LUZP2: variants seen among roughly 807,000 people sequenced by gnomAD.
LUZP2 encodes leucine zipper protein 2.
Under a neutral mutation model 51.6 loss-of-function variants are expected in LUZP2, and 52 were observed. The ratio of observed to expected loss-of-function variants is 1.01; its 90% CI spans 0.81 to 1.27. LUZP2 has a LOEUF of 1.27. Ranked by LOEUF, LUZP2 falls within the 50% of genes most tolerant of loss-of-function variation. The pLI, the probability that LUZP2 is intolerant of heterozygous loss-of-function variation, is 0.00. For missense variants in LUZP2, 436 were observed against 395.4 expected (o/e 1.10, Z -0.87); for synonymous variants, 154 against 137.3 (o/e 1.12, Z -0.85).
At chr11:25,077,609 C>T (rs923965098) in intron 11 of LUZP2, among the ~76,000 whole-genome samples, 1 of 151,924 alleles carries the variant, frequency 6.6e-6, no homozygotes, top group Non-Finnish European at 1.5e-5. Context: ...ACACCATTCT[C>T]CTGCCTCAGC....
intron 5 of LUZP2, among the ~76,000 whole-genome samples, chr11:24,846,085 G>A (rs995403299): frequency 6.6e-6 from 1 of 151,516 alleles, no homozygotes; most frequent in Admixed American, 6.6e-5. Flanking sequence ...CTATTTAAGA[G>A]TCAACTGAAG....
chr11:24,568,331 C>T (rs912996997), intron 1 of LUZP2, among the ~76,000 whole-genome samples: 10 of 135,748 alleles, frequency 7.4e-5, no homozygotes, highest in Non-Finnish European at 1.2e-4. Flanking sequence ...CTGCACTAGG[C>T]TGACAGAGTG....
chr11:24,628,878 G>C (rs1854779480), intron 1 of LUZP2, among the ~76,000 whole-genome samples: 1 of 151,934 alleles, frequency 6.6e-6, no homozygotes, highest in African/African-American at 2.4e-5. Flanking sequence ...CTTTATACAG[G>C]TGAATAAAGA....
At chr11:24,649,781 C>T (rs1259985997) in intron 1 of LUZP2, among the ~76,000 whole-genome samples, 1 of 151,842 alleles carries the variant, frequency 6.6e-6, no homozygotes, top group Non-Finnish European at 1.5e-5. Flanking sequence ...CATATAATCT[C>T]AAGTTGCTGA....
chr11:24,673,702 C>T (rs1358522276), intron 1 of LUZP2, among the ~76,000 whole-genome samples: 3 of 152,170 alleles, frequency 2.0e-5, no homozygotes, highest in Non-Finnish European at 4.4e-5. Flanking sequence ...ACAGATATGA[C>T]ATGTACACAT....
At chr11:24,716,902 A>T (rs1464366269) in intron 1 of LUZP2, among the ~76,000 whole-genome samples, 8 of 151,984 alleles carry the variant, frequency 5.3e-5, no homozygotes, top group South Asian at 2.1e-4. Context: ...TCTCAAAAAA[A>T]TTTTTTTAAT....
chr11:24,711,257 G>A (rs1366021044), intron 1 of LUZP2, among the ~76,000 whole-genome samples: 7 of 143,142 alleles, frequency 4.9e-5, no homozygotes, highest in Admixed American at 2.1e-4. Context: ...AGACCATCCT[G>A]GCTAACACGG....
chr11:25,060,997 G>T (rs940058927), intron 10 of LUZP2, among the ~76,000 whole-genome samples: 4 of 151,952 alleles, frequency 2.6e-5, no homozygotes, highest in African/African-American at 9.7e-5. Flanking sequence ...ATTTAACATT[G>T]GCAATTTCAT....
intron 4 of LUZP2, among the ~76,000 whole-genome samples, chr11:24,759,708 G>C (rs1206619540): frequency 1.3e-5 from 2 of 152,098 alleles, no homozygotes; most frequent in Admixed American, 1.3e-4. Context: ...AAATTTTCTG[G>C]AGCTAATAAA....
chr11:24,561,585 G>A (rs1028378403), intron 1 of LUZP2, among the ~76,000 whole-genome samples: 14 of 152,062 alleles, frequency 9.2e-5, no homozygotes, highest in African/African-American at 3.4e-4. Context: ...AACACTGCAT[G>A]TTCTCATGTT....
chr11:24,761,207 C>T (rs1227929639), intron 4 of LUZP2, among the ~76,000 whole-genome samples: 3 of 152,082 alleles, frequency 2.0e-5, no homozygotes, highest in Non-Finnish European at 2.9e-5. Context: ...CTGGGGAGGT[C>T]TCAGGGAGCT....
Position 24,825,775 on chromosome 11 carries a change from T to G in LUZP2, c.396+62467T>G, listed in dbSNP as rs137859271. Among the ~76,000 whole-genome samples, 1,221 of 152,268 alleles carry G rather than the reference T, an allele frequency of 8.0e-3. 11 individuals carry two copies. The highest frequency in any genetic ancestry group is 0.054 in the Middle Eastern group (16 of 294). On this transcript the variant is annotated intron_variant, in intron 5 of 11. Coordinates refer to ENST00000336930, the MANE Select transcript of LUZP2 (RefSeq NM_001009909.4). ...CTCACCCCCTGATTTTTCTCCTTCT[T>G]GAATGGGATCAGTATTTTGGAAGCC...
chr11:24,715,395 C>G (rs1444097621), intron 1 of LUZP2, among the ~76,000 whole-genome samples: 1 of 151,310 alleles, frequency 6.6e-6, no homozygotes, highest in Non-Finnish European at 1.5e-5. Context: ...AATTTCTGAC[C>G]ATGCCCTTCA....
rs1856822572 is a variant in LUZP2, at chr11:25,005,944, G to A, written c.765+22651G>A. Among the ~76,000 whole-genome samples the A allele has an allele frequency of 2.0e-5, 3 of 152,132 alleles. No individual in the cohort carries two copies. In the South Asian group the frequency reaches 6.2e-4, roughly 32 times the overall value. ...TATAAAGATGTTATGCCCCAAAAAT[G>A]AAGTGGAGGGCCAAACCCTGAGTGA... On this transcript the variant is annotated intron_variant, in intron 9 of 11. Coordinates refer to ENST00000336930, the MANE Select transcript of LUZP2 (RefSeq NM_001009909.4).
At chr11:24,718,920 T>C (rs80209969) in intron 1 of LUZP2, among the ~76,000 whole-genome samples, 65 of 152,312 alleles carry the variant, frequency 4.3e-4, no homozygotes, top group Non-Finnish European at 6.3e-4. Context: ...TTAGATCTAG[T>C]TTATTCACAG....
chr11:24,853,090 T>C (rs1250384692), intron 5 of LUZP2, among the ~76,000 whole-genome samples: 11 of 152,214 alleles, frequency 7.2e-5, no homozygotes, highest in African/African-American at 2.7e-4. Flanking sequence ...TTGATATTGT[T>C]ATGTGTGAAT....
At chr11:24,761,666 A>G (rs773643457) in intron 4 of LUZP2, among the ~76,000 whole-genome samples, 15 of 152,154 alleles carry the variant, frequency 9.9e-5, no homozygotes, top group Non-Finnish European at 1.6e-4. Flanking sequence ...GGGATATGTC[A>G]GTTACAGTGC....
intron 4 of LUZP2, among the ~76,000 whole-genome samples, chr11:24,741,626 C>CA (rs1343863011): frequency 2.0e-5 from 3 of 151,284 alleles, no homozygotes. Context: ...TTTGCGTCCT[C>CA]ATAGCTTAGC....
intron 5 of LUZP2, chr11:24,785,757 A>C (rs566238125): frequency 2.1e-6 from 1 of 477,122 alleles, no homozygotes; most frequent in African/African-American, 2.1e-5. Context: ...TATTATATAA[A>C]CTGTTAGAGA....
Sources: allele counts gnomAD v4.1 joint callset (sites outside exome capture counted in the v4.1 genomes callset), GRCh38; gene constraint gnomAD v4.1.1; transcripts MANE v1.5; gene names NCBI Gene and HGNC (gene_info 2026-07-23, HGNC 2026-07-21).